The following LNX2 variants were observed in gnomAD, a reference collection of about 807,000 sequenced individuals.
The protein encoded by LNX2 is ligand of Numb protein X 2.
A neutral mutation model predicts 66.2 loss-of-function variants in LNX2; 35 were observed. That is an observed-to-expected ratio of 0.53 (90% CI 0.40 to 0.70). The LOEUF (loss-of-function observed/expected upper bound fraction) is 0.70, where lower values mean the gene tolerates loss of function less well. Ranked by LOEUF, LNX2 falls within the 30% of genes least tolerant of loss-of-function variation. The pLI is 0.00. For synonymous variants in LNX2, 337 were observed against 315.6 expected (o/e 1.07, Z -0.72); for missense variants, 791 against 850.8 (o/e 0.93, Z 0.87).
chr13:27,593,598 A>C (rs1593258324), intron 1 of LNX2, among the ~76,000 whole-genome samples: 2 of 109,234 alleles, frequency 1.8e-5, no homozygotes, highest in African/African-American at 3.6e-5. Context: ...ATGAAGTTTC[A>C]CTCTTGTTGC....
At chr13:27,615,756 A>G (rs1955819393) in intron 1 of LNX2, among the ~76,000 whole-genome samples, 1 of 152,192 alleles carries the variant, frequency 6.6e-6, no homozygotes, top group Non-Finnish European at 1.5e-5. Flanking sequence ...GCTTAATCAT[A>G]AGCCATCAAT....
At chr13:27,588,693 T>G (rs2138419856) in intron 1 of LNX2, among the ~76,000 whole-genome samples, 1 of 152,312 alleles carries the variant, frequency 6.6e-6, no homozygotes, top group South Asian at 2.1e-4. Context: ...TATATGAATC[T>G]ACAATTATCA....
At chr13:27,610,934 C>G (rs928251224) in intron 1 of LNX2, among the ~76,000 whole-genome samples, 1 of 152,088 alleles carries the variant, frequency 6.6e-6, no homozygotes, top group African/African-American at 2.4e-5. Flanking sequence ...AATATGGCTA[C>G]TATTAAAACA....
intron 1 of LNX2, among the ~76,000 whole-genome samples, chr13:27,605,665 T>C (rs922038012): frequency 1.3e-5 from 2 of 152,180 alleles, no homozygotes; most frequent in East Asian, 1.9e-4. Flanking sequence ...TGAGCTCCAG[T>C]CCTTAAATGA....
chr13:27,550,203 G>C, intron 9 of LNX2, 130 bp downstream of exon 9: 2 of 708,668 alleles, frequency 2.8e-6, no homozygotes, highest in Non-Finnish European at 4.6e-6. Flanking sequence ...AGTAAGTGTA[G>C]CTGCACTGCA....
chr13:27,596,508 G>A (rs1955600667), intron 1 of LNX2, among the ~76,000 whole-genome samples: 1 of 152,162 alleles, frequency 6.6e-6, no homozygotes, highest in Non-Finnish European at 1.5e-5. Flanking sequence ...CCATGGAGAT[G>A]TATGTTAAAC....
chr13:27,580,380 A>G (rs1955383809), intron 2 of LNX2, among the ~76,000 whole-genome samples: 1 of 152,082 alleles, frequency 6.6e-6, no homozygotes, highest in South Asian at 2.1e-4. Flanking sequence ...TCAGACTTAC[A>G]CTCTTACATC....
rs145913315 is a variant in LNX2, at chr13:27,595,377, T to C, written c.-100-13574A>G. On this transcript the variant is annotated intron_variant, in intron 1 of 9. Transcript: ENST00000316334. ...TCTTCCCTACAGACTGAACAGCCAT[T>C]AGAAGGCAGAAACCAAGTCTTAGTT... Among the ~76,000 whole-genome samples, 78 of 152,336 alleles carry C rather than the reference T, an allele frequency of 5.1e-4. 1 individual carries two copies. The East Asian group carries it at 0.015, about 29-fold the overall frequency.
intron 2 of LNX2, among the ~76,000 whole-genome samples, chr13:27,579,012 T>C (rs925790336): frequency 6.6e-6 from 1 of 152,186 alleles, no homozygotes; most frequent in African/African-American, 2.4e-5. Flanking sequence ...ACTGTCAACT[T>C]TGGGCAAATA....
At chr13:27,591,262 TAC>T (rs1955543852) in intron 1 of LNX2, among the ~76,000 whole-genome samples, 1 of 152,218 alleles carries the variant, frequency 6.6e-6, no homozygotes, top group African/African-American at 2.4e-5. Context: ...TGTAATTCAT[TAC>T]AGATTCATAT....
At chr13:27,552,598 C>T (rs956488564) in intron 8 of LNX2, among the ~76,000 whole-genome samples, 4 of 152,110 alleles carry the variant, frequency 2.6e-5, no homozygotes, top group Non-Finnish European at 5.9e-5. Flanking sequence ...ACAACAACCG[C>T]GGAAAGGAAT....
At chr13:27,583,090 CAGATA>C (rs1955420828) in intron 1 of LNX2, among the ~76,000 whole-genome samples, 1 of 151,674 alleles carries the variant, frequency 6.6e-6, no homozygotes, top group South Asian at 2.1e-4. Flanking sequence ...TTCAATTAAA[CAGATA>C]AGATATGTTA....
chr13:27,589,206 A>G (rs1955524098), intron 1 of LNX2, among the ~76,000 whole-genome samples: 2 of 152,202 alleles, frequency 1.3e-5, no homozygotes, highest in Non-Finnish European at 2.9e-5. Flanking sequence ...TCCCGGAATA[A>G]AGTTCTTTCC....
chr13:27,570,871 G>A lies in LNX2; in HGVS notation c.408-1595C>T, dbSNP rs531395017. ...ATACAGACAGATTATGTACACCTGGGAATCAGTCTAGCTAACAACTCTACA... is the reference window on the plus strand; with the variant it reads ...ATACAGACAGATTATGTACACCTGGAAATCAGTCTAGCTAACAACTCTACA... On this transcript the variant is annotated intron_variant, in intron 2 of 9. Transcript: ENST00000316334. Among the ~76,000 whole-genome samples the A allele has an allele frequency of 1.6e-3, 248 of 152,174 alleles. 2 individuals carry two copies. Among genetic ancestry groups the A allele is most frequent in the African/African-American group, 5.6e-3 (233 of 41,512 alleles).
chr13:27,611,128 G>A (rs7335082), intron 1 of LNX2, among the ~76,000 whole-genome samples: 35,237 of 152,068 alleles, frequency 0.23, 4,431 homozygotes, highest in African/African-American at 0.32. Flanking sequence ...AGAATTCAAA[G>A]CAGGGTCTCA....
Position 27,562,268 on chromosome 13 carries a change from T to C in LNX2, c.1224+145A>G, listed in dbSNP as rs896841163. 5 of 964,734 alleles carry C rather than the reference T, an allele frequency of 5.2e-6. No individual in the cohort carries two copies. In the African/African-American group the frequency reaches 8.2e-5, roughly 16 times the overall value. 59.8% of individuals were successfully genotyped at this position (964,734 alleles called of 1,614,324 possible). A position where few individuals can be genotyped will look rare whatever the true frequency, so the allele number is the denominator to read the frequency against. On this transcript the variant is annotated intron_variant, in intron 5 of 9. Coordinates refer to ENST00000316334, the MANE Select transcript of LNX2 (RefSeq NM_153371.4). ...TCCAATGAAGTTATACTAGTGTGGA[T>C]TTTAAAGAATTCAGGTAGCCACACC...
chr13:27,580,870 C>T (rs1334032821), intron 2 of LNX2, among the ~76,000 whole-genome samples: 2 of 152,098 alleles, frequency 1.3e-5, no homozygotes, highest in East Asian at 3.9e-4. Flanking sequence ...AAACTATGCA[C>T]AATGTTGCAC....
intron 4 of LNX2, among the ~76,000 whole-genome samples, chr13:27,566,528 T>C (rs1373645623): frequency 6.6e-6 from 1 of 152,150 alleles, no homozygotes; most frequent in African/African-American, 2.4e-5. Flanking sequence ...GATTAATCAG[T>C]CTGGACTTGA....
In LNX2 at chr13:27,579,165, A is replaced by G. The variant is rs192750678; in HGVS notation, c.407+2132T>C. On this transcript the variant is annotated intron_variant, in intron 2 of 9. Coordinates refer to ENST00000316334, the MANE Select transcript of LNX2 (RefSeq NM_153371.4). ...TCAATATTTGCTGAATAAACAAATGAACTATATTATTTAGGGTTGAATGTT... is the reference window on the plus strand; with the variant it reads ...TCAATATTTGCTGAATAAACAAATGGACTATATTATTTAGGGTTGAATGTT... Among the ~76,000 whole-genome samples the G allele has an allele frequency of 1.1e-3, 161 of 152,340 alleles. 2 individuals carry two copies. In the South Asian group the frequency reaches 0.022, roughly 20 times the overall value.
Sources: gnomAD v4.1 joint callset for allele counts (sites outside exome capture counted in the v4.1 genomes callset) on GRCh38, gnomAD v4.1.1 for gene constraint, MANE v1.5 for transcripts, NCBI Gene and HGNC (gene_info 2026-07-23, HGNC 2026-07-21) for gene names.